The following LARGE1 variants were observed in gnomAD, a reference collection of about 807,000 sequenced individuals.
The protein encoded by LARGE1 is LARGE xylosyl- and glucuronyltransferase 1.
Under a neutral mutation model 87.6 loss-of-function variants are expected in LARGE1, and 43 were observed. That is an observed-to-expected ratio of 0.49 (90% confidence interval 0.38 to 0.63). The LOEUF (loss-of-function observed/expected upper bound fraction) is 0.63. LARGE1 is among the 30% of genes least tolerant of loss of function. The pLI is 0.00. For synonymous variants in LARGE1, 434 were observed against 394.6 expected (o/e 1.10, Z -1.18); for missense variants, 802 against 1,000.2 (o/e 0.80, Z 2.67).
At chr22:33,577,868 G>A (rs1378218794) in intron 5 of LARGE1, among the ~76,000 whole-genome samples, 4 of 152,168 alleles carry the variant, frequency 2.6e-5, no homozygotes, top group Non-Finnish European at 4.4e-5. Context: ...ACACATAGAA[G>A]GCAAAAGTCT....
chr22:33,067,869 A>C, the LARGE1 span, among the ~76,000 whole-genome samples: 3 of 152,062 alleles, frequency 2.0e-5, no homozygotes, highest in African/African-American at 7.2e-5. Context: ...GATCCCAGCT[A>C]CTCAGGAGGC....
At chr22:33,108,956 T>A in the LARGE1 span, 1 of 152,194 alleles carries the variant, frequency 6.6e-6, no homozygotes, top group Non-Finnish European at 1.5e-5. Context: ...CCTAGTTTTC[T>A]TATCTTTATA....
At chr22:33,763,625 C>T (rs1280794741) in intron 1 of LARGE1, among the ~76,000 whole-genome samples, 3 of 152,108 alleles carry the variant, frequency 2.0e-5, no homozygotes, top group Non-Finnish European at 2.9e-5. Context: ...CCAGATGCTG[C>T]ACTTGACTGG....
At chr22:33,336,121 A>T (rs1252728992) in intron 10 of LARGE1, among the ~76,000 whole-genome samples, 1 of 152,242 alleles carries the variant, frequency 6.6e-6, no homozygotes, top group Non-Finnish European at 1.5e-5. Flanking sequence ...TTGACTATGC[A>T]TGTAACACAG....
chr22:33,749,356 G>A (rs924529090), intron 2 of LARGE1, among the ~76,000 whole-genome samples: 5 of 152,082 alleles, frequency 3.3e-5, no homozygotes, highest in African/African-American at 9.7e-5. Flanking sequence ...TCAGGTACCC[G>A]CCCTCCTCAG....
chr22:33,129,733 T>G, the LARGE1 span, among the ~76,000 whole-genome samples: 4 of 152,128 alleles, frequency 2.6e-5, no homozygotes, highest in African/African-American at 9.7e-5. Flanking sequence ...AGGCACCTTC[T>G]TGACAGGGCA....
Position 33,804,023 on chromosome 22 carries a change from C to G in LARGE1, c.-82-42465G>C, listed in dbSNP as rs1186265578. On this transcript the variant is annotated intron_variant, in intron 1 of 14. Transcript: ENST00000397394. Reference sequence around the variant, plus strand: ...ATGGCAGTCAGGATTGTTATGTTAACTGTCTTCTGTACTCTCTTGTTTATA... The same window carrying G: ...ATGGCAGTCAGGATTGTTATGTTAAGTGTCTTCTGTACTCTCTTGTTTATA... Among the ~76,000 whole-genome samples the G allele has an allele frequency of 3.3e-5, 5 of 152,292 alleles. 1 individual carries two copies. The highest frequency in any genetic ancestry group is 3.3e-4 in the Admixed American group (5 of 15,302).
At chr22:33,374,088 T>G (rs906551620) in intron 9 of LARGE1, among the ~76,000 whole-genome samples, 1 of 152,070 alleles carries the variant, frequency 6.6e-6, no homozygotes, top group Admixed American at 6.6e-5. Flanking sequence ...AATTATCCCA[T>G]GTAACCAAGA....
intron 10 of LARGE1, among the ~76,000 whole-genome samples, chr22:33,334,423 CAAAAA>C (rs919216084): frequency 1.9e-5 from 1 of 52,362 alleles, no homozygotes. Flanking sequence ...AAAAAAAAAA[CAAAAA>C]AAAAAAACAC....
At chr22:33,158,437 G>T (rs1921930875), downstream of LARGE1, among the ~76,000 whole-genome samples, 1 of 152,092 alleles carries the variant, frequency 6.6e-6, no homozygotes, top group Non-Finnish European at 1.5e-5. Context: ...ACCAACTTAG[G>T]TTGTTGGCCT....
At position 33,626,290 on chromosome 22, in the gene LARGE1, C is replaced by A. The variant is rs760072762; in HGVS notation, c.445G>T (p.Ala149Ser). ...ACCAGGGTGACGACATCCCGGCTGG[C>A]ATTGTATCCGGCGCAGACAATAGCA... is the stretch of plus-strand genomic sequence containing the variant. ...HVAIVCAGYN[A>S]SRDVVTLVKS... The change falls in exon 4 of 15, where the codon GCC (alanine) becomes TCC (serine). Residue 149 changes from alanine to serine, a missense_variant. This residue lies in a region of LARGE1 where 625 missense variants were observed against 841.9 expected (regional missense o/e 0.74). Transcript: ENST00000397394. The A allele has an allele frequency of 1.2e-6, 2 of 1,614,108 alleles. No homozygotes were observed. The highest frequency in any genetic ancestry group is 3.3e-5 in the Admixed American group (2 of 60,016).
chr22:33,143,052 T>C, the LARGE1 span, among the ~76,000 whole-genome samples: 1 of 152,216 alleles, frequency 6.6e-6, no homozygotes, highest in Non-Finnish European at 1.5e-5. Context: ...TTTCAGCCTA[T>C]GAAATTATGG....
At chr22:33,292,740 C>T (rs897371245) in intron 12 of LARGE1, among the ~76,000 whole-genome samples, 2 of 152,046 alleles carry the variant, frequency 1.3e-5, no homozygotes, top group African/African-American at 4.8e-5. Context: ...TCGTGGCATG[C>T]CAGTTTGAAG....
At chr22:33,105,500 C>T in the LARGE1 span, 1 of 152,168 alleles carries the variant, frequency 6.6e-6, no homozygotes, top group Non-Finnish European at 1.5e-5. Flanking sequence ...TGAATTTCTA[C>T]AGTAGCTGAA....
Position 33,295,285 on chromosome 22 carries a change from G to A in LARGE1, c.1730+8944C>T, listed in dbSNP as rs1218110480. On this transcript the variant is annotated intron_variant, in intron 12 of 14. Coordinates refer to ENST00000397394, the MANE Select transcript of LARGE1 (RefSeq NM_133642.5). The stretch of plus-strand genomic sequence containing the variant: ...CCAGTGAGCTAGTGATGTGTGATGA[G>A]AAGCAGCAGGGCCAGTGCAGACACA... Among the ~76,000 whole-genome samples, 4 of 152,224 alleles carry A rather than the reference G, an allele frequency of 2.6e-5. No homozygotes were observed. In the East Asian group the frequency reaches 5.8e-4, roughly 22 times the overall value.
intron 11 of LARGE1, among the ~76,000 whole-genome samples, chr22:33,241,159 A>G (rs1236652630): frequency 2.0e-5 from 3 of 151,958 alleles, no homozygotes; most frequent in African/African-American, 7.3e-5. Flanking sequence ...TAAACTCACT[A>G]TTTTGTACTC....
chr22:33,595,039 G>T (rs1184992382), intron 5 of LARGE1, among the ~76,000 whole-genome samples: 1 of 152,182 alleles, frequency 6.6e-6, no homozygotes, highest in Non-Finnish European at 1.5e-5. Context: ...GCAGCATTTG[G>T]TTAATTCTTT....
chr22:33,091,595 T>TAAAGAAAG, the LARGE1 span, among the ~76,000 whole-genome samples: 1 of 150,384 alleles, frequency 6.6e-6, no homozygotes. Context: ...AATAAATAAA[T>TAAAGAAAG]AAAGAGACAT....
At chr22:33,494,342 G>A (rs2069998937) in intron 6 of LARGE1, among the ~76,000 whole-genome samples, 1 of 152,190 alleles carries the variant, frequency 6.6e-6, no homozygotes, top group Admixed American at 6.5e-5. Context: ...AACTGAGGAC[G>A]TTTCCCTTGG....
Sources: gnomAD v4.1 joint callset for allele counts (sites outside exome capture counted in the v4.1 genomes callset) on GRCh38, gnomAD v4.1.1 for gene constraint, gnomAD v4.1.1 regional missense constraint, MANE v1.5 for transcripts, NCBI Gene and HGNC (gene_info 2026-07-23, HGNC 2026-07-21) for gene names.